Variants in SAXO1 observed in about 807,000 individuals in gnomAD.
The protein encoded by SAXO1 is stabilizer of axonemal microtubules 1, also known as 4930500O09Rik.
In SAXO1, 21 loss-of-function variants were observed where a neutral mutation model predicts 17.5. That is an observed-to-expected ratio of 1.20 (90% CI 0.85 to 1.72). The LOEUF is 1.72. Ranked by LOEUF, SAXO1 falls within the 40% of genes most tolerant of loss-of-function variation. The probability of loss-of-function intolerance (pLI) is 0.00; values close to 1 mark genes in which losing one functional copy is unlikely to be tolerated. For missense variants in SAXO1, 843 were observed against 596.0 expected (o/e 1.41, Z -4.32); for synonymous variants, 274 against 216.5 (o/e 1.27, Z -2.33).
At chr9:18,941,517 C>T (rs1023688458) in intron 3 of SAXO1, 120 bp downstream of exon 3, 2 of 1,124,868 alleles carry the variant, frequency 1.8e-6, no homozygotes, top group African/African-American at 3.1e-5. Flanking sequence ...CCAGATCTGG[C>T]CCGTAGGAAG....
Position 19,046,704 on chromosome 9 carries a change from G to GAA in SAXO1, c.-158+2503_-158+2504dup, listed in dbSNP as rs534019035. Among the ~76,000 whole-genome samples the GAA allele has an allele frequency of 1.3e-3, 176 of 132,458 alleles. 1 individual carries two copies. Among genetic ancestry groups the GAA allele is most frequent in the African/African-American group, 3.1e-3 (114 of 36,232 alleles). The allele number at this position is 132,458 out of a possible 152,430, so 86.9% of individuals were successfully genotyped here. On this transcript the variant is annotated intron_variant, in intron 1 of 3. Coordinates refer to the SAXO1 transcript ENST00000542071. ...GCAACAAGAGCAAAACTTCGTCTCA[G>GAA]AAAAAAAAAAAAAAAATTAAGCATA...
chr9:19,024,088 C>T (rs189781276), intron 1 of SAXO1, among the ~76,000 whole-genome samples: 9 of 119,642 alleles, frequency 7.5e-5, no homozygotes, highest in Non-Finnish European at 1.3e-4. Context: ...AGCTCAAAAT[C>T]CATCCATGGC....
chr9:19,046,912 C>T (rs1235935771), intron 1 of SAXO1, among the ~76,000 whole-genome samples: 8 of 151,568 alleles, frequency 5.3e-5, no homozygotes, highest in African/African-American at 1.7e-4. Context: ...GAAGGCCAGG[C>T]GCAGTGGCGC....
intron 1 of SAXO1, among the ~76,000 whole-genome samples, chr9:19,007,040 A>G (rs2130975965): frequency 6.9e-6 from 1 of 144,112 alleles, no homozygotes; most frequent in East Asian, 2.1e-4. Flanking sequence ...GTGAGACTCC[A>G]TCTCAAAAAT....
chr9:19,031,943 C>T lies in SAXO1; in HGVS notation c.38+928G>A, dbSNP rs72696437. ...TTTTTATATGCATGTGTCATATTTG[C>T]CCTTTTTTCAGATTTCAGGACACTA... On this transcript the variant is annotated intron_variant, in intron 1 of 3. Transcript: ENST00000380534. Among the ~76,000 whole-genome samples, 1,350 of 152,248 alleles carry T rather than the reference C, an allele frequency of 8.9e-3. 8 individuals are homozygous for T. Among genetic ancestry groups the T allele is most frequent in the South Asian group, 0.019 (91 of 4,828 alleles).
chr9:18,981,314 A>T (rs1403181480), intron 1 of SAXO1, among the ~76,000 whole-genome samples: 1 of 152,354 alleles, frequency 6.6e-6, no homozygotes, highest in East Asian at 1.9e-4. Flanking sequence ...ATGTCTATTA[A>T]ATTTCAGAAC....
intron 1 of SAXO1, among the ~76,000 whole-genome samples, chr9:18,995,285 T>C (rs73645559): frequency 0.018 from 2,781 of 152,306 alleles, 84 homozygotes; most frequent in African/African-American, 0.061. Flanking sequence ...GATCAGTATC[T>C]ATCTCTCTCT....
intron 1 of SAXO1, among the ~76,000 whole-genome samples, chr9:19,045,504 A>G (rs10125646): frequency 0.47 from 70,782 of 151,858 alleles, 17,502 homozygotes; most frequent in African/African-American, 0.64. Context: ...CAGAGGACTG[A>G]AGTACCATAT....
intron 1 of SAXO1, among the ~76,000 whole-genome samples, chr9:19,000,592 C>A (rs1295045187): frequency 6.6e-6 from 1 of 152,210 alleles, no homozygotes; most frequent in African/African-American, 2.4e-5. Context: ...AAGAGAGAAG[C>A]ACCTCTGCCC....
At position 18,984,283 on chromosome 9, in the gene SAXO1, C is replaced by T. The variant is rs549135491; in HGVS notation, c.39-33346G>A. On this transcript the variant is annotated intron_variant, in intron 1 of 3. Transcript: ENST00000380534. ...ATTTTCAGAATGGTAAATGGGCATC[C>T]GCTTCAACATCAAGTCACCAGCTAC... Among the ~76,000 whole-genome samples the T allele has an allele frequency of 1.8e-4, 27 of 152,264 alleles. No homozygotes were observed. The South Asian group carries it at 3.5e-3, about 20-fold the overall frequency.
chr9:18,942,050 C>T (rs1370354973), intron 2 of SAXO1, among the ~76,000 whole-genome samples: 1 of 124,002 alleles, frequency 8.1e-6, no homozygotes, highest in Non-Finnish European at 1.6e-5. Flanking sequence ...CTGTATTCAT[C>T]TTTGACCTCC....
intron 1 of SAXO1, among the ~76,000 whole-genome samples, chr9:19,020,668 T>C (rs534085452): frequency 7.2e-5 from 11 of 152,352 alleles, no homozygotes; most frequent in African/African-American, 2.4e-4. Context: ...CAAGATAATT[T>C]TGAATCTTCA....
chr9:18,959,809 T>C (rs973981526), intron 1 of SAXO1, among the ~76,000 whole-genome samples: 1 of 150,596 alleles, frequency 6.6e-6, no homozygotes, highest in Non-Finnish European at 1.5e-5. Context: ...GTGTACAGCG[T>C]ACTCTAGGGA....
chr9:18,997,138 G>A (rs10811086), intron 1 of SAXO1, among the ~76,000 whole-genome samples: 21,534 of 152,256 alleles, frequency 0.14, 1,606 homozygotes, highest in Middle Eastern at 0.19. Context: ...AGCAGGGCAG[G>A]GCATTGCCTC....
At chr9:18,990,866 C>A (rs1833785696) in intron 1 of SAXO1, among the ~76,000 whole-genome samples, 2 of 152,180 alleles carry the variant, frequency 1.3e-5, no homozygotes, top group Non-Finnish European at 2.9e-5. Flanking sequence ...TAGAATGGGA[C>A]CACCTTGTTG....
At chr9:19,026,933 G>A in intron 1 of SAXO1, 1 of 830,632 alleles carries the variant, frequency 1.2e-6, no homozygotes, top group Non-Finnish European at 2.1e-6. Context: ...ATGGAACTGG[G>A]GTGGAGGTGC....
chr9:18,989,908 G>A (rs1833746783), intron 1 of SAXO1, among the ~76,000 whole-genome samples: 1 of 152,140 alleles, frequency 6.6e-6, no homozygotes, highest in African/African-American at 2.4e-5. Flanking sequence ...GAGGACCAAG[G>A]GAGATGAGAG....
intron 1 of SAXO1, among the ~76,000 whole-genome samples, chr9:18,973,464 C>T (rs1425582860): frequency 1.3e-5 from 2 of 152,224 alleles, no homozygotes; most frequent in Non-Finnish European, 2.9e-5. Context: ...TTCTCTAGAG[C>T]GTTGCCTTGT....
chr9:19,001,025 T>G (rs1834244104), intron 1 of SAXO1, among the ~76,000 whole-genome samples: 1 of 152,162 alleles, frequency 6.6e-6, no homozygotes, highest in Non-Finnish European at 1.5e-5. Flanking sequence ...ATTAGACAGA[T>G]CAACGAGATC....
Sources: gnomAD v4.1 joint callset for allele counts (sites outside exome capture counted in the v4.1 genomes callset) on GRCh38, gnomAD v4.1.1 for gene constraint, MANE v1.5 for transcripts, NCBI Gene and HGNC (gene_info 2026-07-23, HGNC 2026-07-21) for gene names.